KLF14: variants seen among roughly 807,000 people sequenced by gnomAD.
KLF14 encodes the protein Krueppel-like factor 14.
In KLF14, 13 loss-of-function variants were observed where a neutral mutation model predicts 16.2. The observed-to-expected ratio is 0.80, with a 90% CI of 0.52 to 1.28. KLF14 has a LOEUF of 1.28. Ranked by LOEUF, KLF14 falls within the 50% of genes most tolerant of loss-of-function variation. KLF14 has a pLI of 0.00. For synonymous variants in KLF14, 276 were observed against 233.7 expected, an observed-to-expected ratio of 1.18 and a Z score of -1.65; for missense variants, 571 against 493.4, an observed-to-expected ratio of 1.16 and a Z score of -1.49.
At position 130,733,863 on chromosome 7, in the gene KLF14, T is replaced by G; in HGVS notation, c.171A>C (p.Pro57=). 2.2e-6 allele frequency: 3 copies of G among 1,334,118 alleles called. No homozygotes were observed. Among genetic ancestry groups the G allele is most frequent in the Non-Finnish European group, 2.9e-6 (3 of 1,052,548 alleles). The allele number at this position is 1,334,118 out of a possible 1,614,324, so 82.6% of individuals were successfully genotyped here. A position where few individuals can be genotyped will look rare whatever the true frequency, so the allele number is the denominator to read the frequency against. The change falls in exon 1 of 1, where the codon CCA becomes CCC. Residue 57 remains proline (P), a synonymous_variant. Coordinates refer to ENST00000583337, the MANE Select transcript of KLF14 (RefSeq NM_138693.4). This position sits in a 1 kb window ranked among gnomAD's most constrained non-coding sequence, Gnocchi z 5.2. ...PPESALPGPG[P]PGPASVPQLP... Reference sequence around the variant, plus strand: ...GCTGGGGGACCGACGCGGGCCCCGGTGGCCCCGGACCCGGCAGAGCGGACT... The same window carrying G: ...GCTGGGGGACCGACGCGGGCCCCGGGGGCCCCGGACCCGGCAGAGCGGACT...
Position 130,733,762 on chromosome 7 carries a change from T to C in KLF14, c.272A>G (p.Asp91Gly). 6.6e-7 allele frequency: 1 copy of C among 1,525,656 alleles called. No homozygotes were observed. The highest frequency in any genetic ancestry group is 2.5e-5 in the East Asian group (1 of 39,650). 94.5% of individuals were successfully genotyped at this position (1,525,656 alleles called of 1,614,324 possible). Residue 91 changes from aspartate to glycine, a missense_variant, in exon 1 of 1, where the codon GAC becomes GGC. By Grantham distance (94) the Asp-to-Gly change is moderately conservative. Coordinates refer to ENST00000583337, the MANE Select transcript of KLF14 (RefSeq NM_138693.4). The surrounding 1 kb of genome is among the most constrained non-coding windows in gnomAD (Gnocchi z 5.2). ...PHLLAASVWADLRGSSGEGSW... is the reference protein window; with the variant it reads ...PHLLAASVWAGLRGSSGEGSW... ...GCCCTCGCCAGAGCTGCCGCGCAAG[T>C]CCGCCCAGACGCTTGCAGCCAGCAG...
rs370049712 is a variant in KLF14, at chr7:130,733,221, G to T, written c.813C>A (p.Thr271=). ...PKQFSRSDHL[T]KHARRHPTYH... is the part of the protein sequence containing the mutation. The stretch of plus-strand genomic sequence containing the variant: ...AGGTTGGGTGGCGGCGAGCATGCTT[G>T]GTCAGGTGGTCGCTCCGGGAGAACT... The change falls in exon 1 of 1, where the codon ACC becomes ACA. Residue 271 remains threonine (T), a synonymous_variant. Transcript: ENST00000583337. This position sits in a 1 kb window ranked among gnomAD's most constrained non-coding sequence, Gnocchi z 5.2. 2 of 1,609,116 alleles carry T rather than the reference G, an allele frequency of 1.2e-6. No individual in the cohort carries two copies. The highest frequency in any genetic ancestry group is 1.7e-4 in the Middle Eastern group (1 of 6,060).
At position 130,731,653 on chromosome 7, in the gene KLF14, G is replaced by A. The variant is rs1797189202; in HGVS notation, c.*1409C>T. 1 of 152,386 alleles carries A rather than the reference G, an allele frequency of 6.6e-6. No homozygotes were observed. Among genetic ancestry groups the A allele is most frequent in the South Asian group, 2.1e-4 (1 of 4,834 alleles). The allele number at this position is 152,386 out of a possible 1,614,324, so 9.4% of individuals were successfully genotyped here. ...TGATGGACTATTGCAAAATATTCAG[G>A]AGGGGGCCAGAGGGGATCTCCCAGG... On this transcript the variant is annotated 3_prime_UTR_variant, in exon 1 of 1. Transcript: ENST00000583337.
rs1326559347 is a variant in KLF14, at chr7:130,733,489, G to T, written c.545C>A (p.Ala182Glu). ...AGGTGTGACAGACCTCCTCCGGGGC[G>T]CCTGATCCGCGGCGGGGGCGGGGCC... ...GAGPAPAADQ[A>E]PRRRSVTPAA... The change falls in exon 1 of 1, where the codon GCG becomes GAG. Residue 182 changes from alanine to glutamate, a missense_variant. By Grantham distance (107) the Ala-to-Glu change is moderately radical. Coordinates refer to ENST00000583337, the MANE Select transcript of KLF14 (RefSeq NM_138693.4). This position sits in a 1 kb window ranked among gnomAD's most constrained non-coding sequence, Gnocchi z 5.2. 1 of 1,607,868 alleles carries T rather than the reference G, an allele frequency of 6.2e-7. No homozygotes were observed. The highest frequency in any genetic ancestry group is 1.3e-5 in the African/African-American group (1 of 74,978).
rs782619140 is a variant in KLF14, at chr7:130,733,057, C to T, written c.*5G>A. The T allele has an allele frequency of 1.4e-5, 21 of 1,548,564 alleles. No individual in the cohort carries two copies. The highest frequency in any genetic ancestry group is 4.4e-6 in the Non-Finnish European group (5 of 1,147,374). On this transcript the variant is annotated 3_prime_UTR_variant, in exon 1 of 1. Transcript: ENST00000583337. This position sits in a 1 kb window ranked among gnomAD's most constrained non-coding sequence, Gnocchi z 5.2. ...TTGAGGGTAAGACTGACAGCAATGACTGTCCTACAGGCAGGTGGTGAAGCT... is the reference window on the plus strand; with the variant it reads ...TTGAGGGTAAGACTGACAGCAATGATTGTCCTACAGGCAGGTGGTGAAGCT...
Position 130,734,149 on chromosome 7 carries a change from T to A in KLF14, c.-116A>T. The A allele has an allele frequency of 1.8e-6, 1 of 549,270 alleles. No homozygotes were observed. Among genetic ancestry groups the A allele is most frequent in the Non-Finnish European group, 2.4e-6 (1 of 413,664 alleles). The allele number at this position is 549,270 out of a possible 1,614,324, so 34.0% of individuals were successfully genotyped here. On this transcript the variant is annotated 5_prime_UTR_variant, in exon 1 of 1. Coordinates refer to ENST00000583337, the MANE Select transcript of KLF14 (RefSeq NM_138693.4). This position sits in a 1 kb window ranked among gnomAD's most constrained non-coding sequence, Gnocchi z 4.4. ...GAGCGAGAAGCAGGAGGCCGGGTGCTCGCCGCCTGCCGCCTGCTGCCGCCG... is the reference window on the plus strand; with the variant it reads ...GAGCGAGAAGCAGGAGGCCGGGTGCACGCCGCCTGCCGCCTGCTGCCGCCG...
chr7:130,732,961 C>T lies in KLF14; in HGVS notation c.*101G>A. ...TCAGAGCAGAGGAACCAGTCTGTGC[C>T]TTGGTGTAATGACTCTGGGAAAGAA... On this transcript the variant is annotated 3_prime_UTR_variant, in exon 1 of 1. Coordinates refer to ENST00000583337, the MANE Select transcript of KLF14 (RefSeq NM_138693.4). 7.1e-7 allele frequency: 1 copy of T among 1,402,368 alleles called. No homozygotes were observed. Among genetic ancestry groups the T allele is most frequent in the Non-Finnish European group, 9.5e-7 (1 of 1,054,260 alleles). The allele number at this position is 1,402,368 out of a possible 1,614,324, so 86.9% of individuals were successfully genotyped here. A position where few individuals can be genotyped will look rare whatever the true frequency, so the allele number is the denominator to read the frequency against.
Position 130,730,915 on chromosome 7 carries a change from CAG to C in KLF14, c.*2145_*2146del, listed in dbSNP as rs1214967441. On this transcript the variant is annotated 3_prime_UTR_variant, in exon 1 of 1. Transcript: ENST00000583337. ...ATCCAGCCCTAGCTGAAGAGACAAA[CAG>C]AGCAAAGAGAAGACTCCTTCCACTA... Among the ~76,000 whole-genome samples, 1 of 152,190 alleles carries C rather than the reference CAG, an allele frequency of 6.6e-6. No homozygotes were observed. The highest frequency in any genetic ancestry group is 1.5e-5 in the Non-Finnish European group (1 of 68,050).
Position 130,733,686 on chromosome 7 carries a change from G to A in KLF14, c.348C>T (p.Asp116=), listed in dbSNP as rs1008253620. 4 of 1,572,612 alleles carry A rather than the reference G, an allele frequency of 2.5e-6. No individual in the cohort carries two copies. The African/African-American group carries it at 5.4e-5, about 21-fold the overall frequency. The change falls in exon 1 of 1, where the codon GAC becomes GAT. Residue 116 remains aspartate (D), a synonymous_variant. Transcript: ENST00000583337. This position sits in a 1 kb window ranked among gnomAD's most constrained non-coding sequence, Gnocchi z 5.2. ...EAPRASSGFS[D]PIPCSVQTPC... ...GGGTCTGGACGGAGCACGGGATCGG[G>A]TCGGAGAAGCCGGACGAGGCGCGTG...
rs1554471017 is a variant in KLF14 at position 130,733,696 on chromosome 7, C to A, written c.338G>T (p.Gly113Val). The A allele has an allele frequency of 6.4e-7, 1 of 1,572,250 alleles. No individual in the cohort carries two copies. The highest frequency in any genetic ancestry group is 8.6e-7 in the Non-Finnish European group (1 of 1,164,458). ...NSGEAPRASS[G>V]FSDPIPCSVQ... ...GGAGCACGGGATCGGGTCGGAGAAG[C>A]CGGACGAGGCGCGTGGAGCTTCCCC... The change falls in exon 1 of 1, where the codon GGC becomes GTC. Residue 113 changes from glycine to valine, a missense_variant. Physicochemically the swap from Gly to Val is moderately radical, Grantham distance 109 (BLOSUM62 -3). Coordinates refer to ENST00000583337, the MANE Select transcript of KLF14 (RefSeq NM_138693.4). The surrounding 1 kb of genome is among the most constrained non-coding windows in gnomAD (Gnocchi z 5.2).
At position 130,733,267 on chromosome 7, in the gene KLF14, G is replaced by A. The variant is rs782811725; in HGVS notation, c.767C>T (p.Ser256Phe). ...GAACTGCTTGGGGCAGAGGGGGCAG[G>A]AGAAGCGCTTCTCGCCCGTGTGCGT... ...YRTHTGEKRFSCPLCPKQFSR... is the reference protein window; with the variant it reads ...YRTHTGEKRFFCPLCPKQFSR... The change falls in exon 1 of 1, where the codon TCC (serine) becomes TTC (phenylalanine). Residue 256 changes from serine to phenylalanine, a missense_variant. Ser to Phe is a radical substitution (Grantham distance 155, BLOSUM62 -2). Coordinates refer to ENST00000583337, the MANE Select transcript of KLF14 (RefSeq NM_138693.4). The surrounding 1 kb of genome is among the most constrained non-coding windows in gnomAD (Gnocchi z 5.2). 6.2e-7 allele frequency: 1 copy of A among 1,613,642 alleles called. No individual in the cohort carries two copies. The highest frequency in any genetic ancestry group is 1.7e-5 in the Admixed American group (1 of 59,954).
chr7:130,734,000 C>A lies in KLF14; in HGVS notation c.34G>T (p.Ala12Ser). ...GACATGGACACCAGGCACTCGGCGGCGAAGTAGTCCAGGCACGCCACGGCG... is the reference window on the plus strand; with the variant it reads ...GACATGGACACCAGGCACTCGGCGGAGAAGTAGTCCAGGCACGCCACGGCG... ...SAAVACLDYF[A>S]AECLVSMSAG... is the part of the protein sequence containing the mutation. Residue 12 changes from alanine (A) to serine (S), a missense_variant, in exon 1 of 1, where the codon GCC becomes TCC. By Grantham distance (99) the Ala-to-Ser change is moderately conservative. Transcript: ENST00000583337. This position sits in a 1 kb window ranked among gnomAD's most constrained non-coding sequence, Gnocchi z 5.2. 7.3e-7 allele frequency: 1 copy of A among 1,372,462 alleles called. No homozygotes were observed. The highest frequency in any genetic ancestry group is 9.5e-7 in the Non-Finnish European group (1 of 1,057,736). 85.0% of individuals were successfully genotyped at this position (1,372,462 alleles called of 1,614,324 possible). A position where few individuals can be genotyped will look rare whatever the true frequency, so the allele number is the denominator to read the frequency against.
In KLF14 at chr7:130,733,858, C is replaced by T; in HGVS notation, c.176G>A (p.Gly59Glu). The T allele has an allele frequency of 7.4e-7, 1 of 1,342,420 alleles. No individual in the cohort carries two copies. Among genetic ancestry groups the T allele is most frequent in the South Asian group, 1.9e-5 (1 of 51,402 alleles). 83.2% of individuals were successfully genotyped at this position (1,342,420 alleles called of 1,614,324 possible). The stretch of plus-strand genomic sequence containing the variant: ...CGGGAGCTGGGGGACCGACGCGGGC[C>T]CCGGTGGCCCCGGACCCGGCAGAGC... ...ESALPGPGPP[G>E]PASVPQLPQV... Residue 59 changes from glycine (G) to glutamate (E), a missense_variant, in exon 1 of 1, where the codon GGG (glycine) becomes GAG (glutamate). Transcript: ENST00000583337. This position sits in a 1 kb window ranked among gnomAD's most constrained non-coding sequence, Gnocchi z 5.2.
chr7:130,733,082 T>C lies in KLF14; in HGVS notation c.952A>G (p.Ser318Gly). ...CTGTCCTACAGGCAGGTGGTGAAGCTGGGCGCCGGGCCGGGACCGGAGCCG... is the reference window on the plus strand; with the variant it reads ...CTGTCCTACAGGCAGGTGGTGAAGCCGGGCGCCGGGCCGGGACCGGAGCCG... Reference protein sequence around the residue: ...ASGSGPGPAPSFTTCL With the variant: ...ASGSGPGPAPGFTTCL The change falls in exon 1 of 1, where the codon AGC becomes GGC. Residue 318 changes from serine to glycine, a missense_variant. Coordinates refer to ENST00000583337, the MANE Select transcript of KLF14 (RefSeq NM_138693.4). This position sits in a 1 kb window ranked among gnomAD's most constrained non-coding sequence, Gnocchi z 5.2. The C allele has an allele frequency of 6.4e-7, 1 of 1,568,872 alleles. No homozygotes were observed. Among genetic ancestry groups the C allele is most frequent in the Non-Finnish European group, 8.6e-7 (1 of 1,156,130 alleles).
In KLF14 at chr7:130,733,700, A is replaced by G. The variant is rs1797243537; in HGVS notation, c.334T>C (p.Ser112Pro). Residue 112 changes from serine to proline, a missense_variant, in exon 1 of 1, where the codon TCC becomes CCC. By Grantham distance (74) the Ser-to-Pro change is moderately conservative. Transcript: ENST00000583337. This position sits in a 1 kb window ranked among gnomAD's most constrained non-coding sequence, Gnocchi z 5.2. ...ENSGEAPRASSGFSDPIPCSV... is the reference protein window; with the variant it reads ...ENSGEAPRASPGFSDPIPCSV... ...CACGGGATCGGGTCGGAGAAGCCGG[A>G]CGAGGCGCGTGGAGCTTCCCCCGAG... 6.4e-7 allele frequency: 1 copy of G among 1,569,342 alleles called. No homozygotes were observed. Among genetic ancestry groups the G allele is most frequent in the Non-Finnish European group, 8.6e-7 (1 of 1,163,416 alleles).
At position 130,733,132 on chromosome 7, in the gene KLF14, G is replaced by C; in HGVS notation, c.902C>G (p.Thr301Ser). 1.9e-6 allele frequency: 3 copies of C among 1,594,106 alleles called. No individual in the cohort carries two copies. Among genetic ancestry groups the C allele is most frequent in the Non-Finnish European group, 2.6e-6 (3 of 1,168,406 alleles). The change falls in exon 1 of 1, where the codon ACC becomes AGC. Residue 301 changes from threonine (T) to serine (S), a missense_variant. Transcript: ENST00000583337. This position sits in a 1 kb window ranked among gnomAD's most constrained non-coding sequence, Gnocchi z 5.2. Reference protein sequence around the residue: ...RRTPRIDPPLTSEVESSASGS... With the variant: ...RRTPRIDPPLSSEVESSASGS... ...GGAGGCGGAGCTTTCCACCTCGCTG[G>C]TGAGTGGCGGGTCGATGCGGGGAGT...
chr7:130,732,087 G>A lies in KLF14; in HGVS notation c.*975C>T, dbSNP rs1554470625. 2.0e-5 allele frequency: 3 copies of A among 152,210 alleles called. No homozygotes were observed. The allele number at this position is 152,210 out of a possible 1,614,324, so 9.4% of individuals were successfully genotyped here. On this transcript the variant is annotated 3_prime_UTR_variant, in exon 1 of 1. Coordinates refer to ENST00000583337, the MANE Select transcript of KLF14 (RefSeq NM_138693.4). The stretch of plus-strand genomic sequence containing the variant: ...AATTAACAGAATCTACCACTCCTGA[G>A]ATTACATAAGGTGGGGCAGCTGTGT...
rs1554470855 is a variant in KLF14 at position 130,733,351 on chromosome 7, T to C, written c.683A>G (p.Asp228Gly). 4 of 1,613,634 alleles carry C rather than the reference T, an allele frequency of 2.5e-6. No individual in the cohort carries two copies. The highest frequency in any genetic ancestry group is 1.3e-5 in the African/African-American group (1 of 74,870). The change falls in exon 1 of 1, where the codon GAC becomes GGC. Residue 228 changes from aspartate to glycine, a missense_variant. By Grantham distance (94) the Asp-to-Gly change is moderately conservative. Coordinates refer to ENST00000583337, the MANE Select transcript of KLF14 (RefSeq NM_138693.4). The surrounding 1 kb of genome is among the most constrained non-coding windows in gnomAD (Gnocchi z 5.2). ...THTGERPFSC[D>G]WLDCDKKFTR... ...AAACTTCTTGTCGCAGTCGAGCCAG[T>C]CGCAGGAGAAAGGGCGCTCACCCGT...
At position 130,733,665 on chromosome 7, in the gene KLF14, C is replaced by T. The variant is rs1473526893; in HGVS notation, c.369G>A (p.Gln123=). The T allele has an allele frequency of 3.2e-6, 5 of 1,565,510 alleles. No homozygotes were observed. The highest frequency in any genetic ancestry group is 4.3e-6 in the Non-Finnish European group (5 of 1,159,868). The change falls in exon 1 of 1, where the codon CAG becomes CAA. Residue 123 remains glutamine (Q), a synonymous_variant. Transcript: ENST00000583337. This position sits in a 1 kb window ranked among gnomAD's most constrained non-coding sequence, Gnocchi z 5.2. ...GFSDPIPCSV[Q]TPCSELAPAS... ...CGGGAGCCAGCTCGGAGCACGGGGT[C>T]TGGACGGAGCACGGGATCGGGTCGG...
Sources: allele counts gnomAD v4.1 joint callset (sites outside exome capture counted in the v4.1 genomes callset), GRCh38; gene constraint gnomAD v4.1.1; non-coding constraint Gnocchi (gnomAD v3.1); transcripts MANE v1.5; gene names NCBI Gene and HGNC (gene_info 2026-07-23, HGNC 2026-07-21).